NAALADL2: variants seen among roughly 807,000 people sequenced by gnomAD.
The protein encoded by NAALADL2 is N-acetylated alpha-linked acidic dipeptidase like 2.
A neutral mutation model predicts 87.2 loss-of-function variants in NAALADL2; 76 were observed. That is an observed-to-expected ratio of 0.87 (90% CI 0.72 to 1.05). The LOEUF (loss-of-function observed/expected upper bound fraction) is 1.05, where lower values mean the gene tolerates loss of function less well. Ranked by LOEUF, NAALADL2 falls within the 50% of genes least tolerant of loss-of-function variation. NAALADL2 has a pLI of 0.00. For missense variants in NAALADL2, 1,089 were observed against 945.8 expected (o/e 1.15, Z -1.99); for synonymous variants, 354 against 331.0 (o/e 1.07, Z -0.75).
rs1272125969 is a variant in NAALADL2, at chr3:174,499,856, G to A, written c.-183-50713G>A. ...ATAGTAAGTCTTTTAATCAGGTAGA[G>A]TTAGCCCAACTGCAAATTTGTTCTT... On this transcript the variant is annotated intron_variant, in intron 1 of 3. Transcript: ENST00000434257. Among the ~76,000 whole-genome samples, 3 of 152,116 alleles carry A rather than the reference G, an allele frequency of 2.0e-5. 1 individual carries two copies. The highest frequency in any genetic ancestry group is 6.5e-5 in the Admixed American group (1 of 15,282).
intron 3 of NAALADL2, among the ~76,000 whole-genome samples, chr3:174,774,432 C>T (rs1474877044): frequency 3.9e-5 from 6 of 152,144 alleles, no homozygotes; most frequent in Non-Finnish European, 5.9e-5. Flanking sequence ...AGTTGGTCAG[C>T]CATACCTTCA....
At chr3:174,526,833 C>T (rs775475258) in intron 1 of NAALADL2, among the ~76,000 whole-genome samples, 2 of 151,964 alleles carry the variant, frequency 1.3e-5, no homozygotes, top group Non-Finnish European at 2.9e-5. Context: ...TGTGCCCCCA[C>T]ACCCAGCTAA....
intron 11 of NAALADL2, among the ~76,000 whole-genome samples, chr3:175,646,801 T>C (rs1216579884): frequency 6.6e-6 from 1 of 152,106 alleles, no homozygotes; most frequent in Admixed American, 6.6e-5. Flanking sequence ...TCTACCTTTC[T>C]TATATAGTTT....
At chr3:174,558,732 T>C (rs1713181379) in intron 2 of NAALADL2, among the ~76,000 whole-genome samples, 1 of 152,140 alleles carries the variant, frequency 6.6e-6, no homozygotes, top group African/African-American at 2.4e-5. Context: ...TGTGGCTTTT[T>C]CCTAACAGGC....
At chr3:174,646,201 G>GA (rs913261859) in intron 2 of NAALADL2, among the ~76,000 whole-genome samples, 6 of 151,228 alleles carry the variant, frequency 4.0e-5, no homozygotes, top group African/African-American at 1.2e-4. Context: ...CTGGGCAGTT[G>GA]AAAAAAAAAT....
At chr3:175,293,661 C>T (rs1181040569) in intron 4 of NAALADL2, among the ~76,000 whole-genome samples, 1 of 152,028 alleles carries the variant, frequency 6.6e-6, no homozygotes, top group Non-Finnish European at 1.5e-5. Flanking sequence ...ATTAAAGATA[C>T]CCCAGAGACC....
At chr3:175,766,154 T>C (rs1272098709) in intron 13 of NAALADL2, among the ~76,000 whole-genome samples, 1 of 152,108 alleles carries the variant, frequency 6.6e-6, no homozygotes, top group African/African-American at 2.4e-5. Context: ...TATCCCTACT[T>C]CTGGATAAGA....
chr3:175,642,596 G>A (rs1729446764), intron 11 of NAALADL2, among the ~76,000 whole-genome samples: 1 of 151,764 alleles, frequency 6.6e-6, no homozygotes, highest in African/African-American at 2.4e-5. Flanking sequence ...CACCTTCTGG[G>A]TTCATGCCAT....
chr3:175,451,619 G>A (rs12495175), intron 6 of NAALADL2, among the ~76,000 whole-genome samples: 3,704 of 152,150 alleles, frequency 0.024, 157 homozygotes, highest in East Asian at 0.14. Context: ...GTAATTTAGC[G>A]TGAAAAATAT....
intron 1 of NAALADL2, among the ~76,000 whole-genome samples, chr3:175,040,594 G>A (rs1444834934): frequency 1.3e-5 from 2 of 152,100 alleles, no homozygotes; most frequent in South Asian, 2.1e-4. Flanking sequence ...GAACTTTTCT[G>A]AGTATCATTT....
Position 175,589,508 on chromosome 3 carries a change from G to T in NAALADL2, c.1800+13321G>T, listed in dbSNP as rs1486528388. Among the ~76,000 whole-genome samples the T allele has an allele frequency of 2.7e-5, 4 of 149,446 alleles. No individual in the cohort carries two copies. The South Asian group carries it at 8.4e-4, about 31-fold the overall frequency. ...AAATTTCTACCTTTAATTAAAATTT[G>T]ATCATTGTGTATATATAATTCCTAT... On this transcript the variant is annotated intron_variant, in intron 10 of 13. Coordinates refer to ENST00000454872, the MANE Select transcript of NAALADL2 (RefSeq NM_207015.3).
chr3:175,568,377 A>T (rs1717545861), intron 9 of NAALADL2, among the ~76,000 whole-genome samples: 1 of 152,186 alleles, frequency 6.6e-6, no homozygotes, highest in Non-Finnish European at 1.5e-5. Flanking sequence ...AAAATTATAG[A>T]TGCGTAGTTT....
At chr3:175,371,569 A>T (rs143591091) in intron 5 of NAALADL2, among the ~76,000 whole-genome samples, 2,866 of 152,270 alleles carry the variant, frequency 0.019, 91 homozygotes, top group African/African-American at 0.066. Context: ...TCATGCTTGT[A>T]ATCCCAGCTC....
chr3:175,592,068 A>G (rs897705369), intron 10 of NAALADL2, among the ~76,000 whole-genome samples: 4 of 151,980 alleles, frequency 2.6e-5, no homozygotes, highest in African/African-American at 4.8e-5. Context: ...TATAAATGCT[A>G]TTCTTTCATA....
intron 2 of NAALADL2, among the ~76,000 whole-genome samples, chr3:174,690,690 A>T (rs1022860158): frequency 1.3e-5 from 2 of 152,052 alleles, no homozygotes; most frequent in Admixed American, 1.3e-4. Flanking sequence ...CTTTTATTTA[A>T]TTTTGTGTGT....
chr3:174,671,678 T>C (rs1251396245), intron 2 of NAALADL2, among the ~76,000 whole-genome samples: 1 of 152,126 alleles, frequency 6.6e-6, no homozygotes, highest in African/African-American at 2.4e-5. Context: ...CTTTACCCCC[T>C]CACCTTCTAT....
chr3:175,693,970 G>T (rs962999678), intron 11 of NAALADL2, among the ~76,000 whole-genome samples: 1 of 152,144 alleles, frequency 6.6e-6, no homozygotes, highest in Admixed American at 6.6e-5. Context: ...TAGGATTACA[G>T]TCATGAGCCA....
At chr3:175,254,159 A>C (rs149422376) in intron 3 of NAALADL2, among the ~76,000 whole-genome samples, 1 of 152,188 alleles carries the variant, frequency 6.6e-6, no homozygotes, top group Non-Finnish European at 1.5e-5. Flanking sequence ...GAAATATTTT[A>C]TCAAAGGAAG....
chr3:174,818,190 T>G (rs894069298), intron 3 of NAALADL2, among the ~76,000 whole-genome samples: 17 of 152,152 alleles, frequency 1.1e-4, no homozygotes, highest in Admixed American at 1.1e-3. Context: ...AAAAATCACT[T>G]TGATTGATTT....
Sources: gnomAD v4.1 joint callset for allele counts (sites outside exome capture counted in the v4.1 genomes callset) on GRCh38, gnomAD v4.1.1 for gene constraint, MANE v1.5 for transcripts, NCBI Gene and HGNC (gene_info 2026-07-23, HGNC 2026-07-21) for gene names.